CEP112: variants seen among roughly 807,000 people sequenced by gnomAD.
CEP112 encodes centrosomal protein of 112 kDa.
In CEP112, 127 loss-of-function variants were observed where a neutral mutation model predicts 153.0. The observed-to-expected ratio is 0.83, with a 90% CI of 0.72 to 0.96. The LOEUF (loss-of-function observed/expected upper bound fraction) is 0.96, where lower values mean the gene tolerates loss of function less well. CEP112 is among the 40% of genes least tolerant of loss of function. The probability of loss-of-function intolerance (pLI) is 0.00; values close to 1 mark genes in which losing one functional copy is unlikely to be tolerated. For synonymous variants in CEP112, 358 were observed against 374.4 expected (o/e 0.96, Z 0.51); for missense variants, 1,089 against 1,101.2 (o/e 0.99, Z 0.16).
chr17:66,184,202 T>G (rs2072835386), intron 1 of CEP112, among the ~76,000 whole-genome samples: 1 of 152,052 alleles, frequency 6.6e-6, no homozygotes, highest in African/African-American at 2.4e-5. Context: ...AAGGCTGCAG[T>G]GGGCCATGAT....
At chr17:65,897,171 A>G (rs182855790) in intron 20 of CEP112, among the ~76,000 whole-genome samples, 90 of 152,266 alleles carry the variant, frequency 5.9e-4, no homozygotes, top group Admixed American at 2.2e-3. Flanking sequence ...TTACATTAAC[A>G]GCAACAGCTT....
At chr17:65,927,532 C>T (rs73346895) in intron 19 of CEP112, 50 bp downstream of exon 19, 13,455 of 987,468 alleles carry the variant, frequency 0.014, 617 homozygotes, top group African/African-American at 0.12. Context: ...AAAGATAAAT[C>T]ATATATGTAT....
chr17:65,940,772 G>A (rs1174893136), intron 18 of CEP112, among the ~76,000 whole-genome samples: 1 of 152,110 alleles, frequency 6.6e-6, no homozygotes, highest in Non-Finnish European at 1.5e-5. Flanking sequence ...TGTTCAAAGG[G>A]TACAAAGTTT....
chr17:65,667,241 C>G (rs944834656), intron 24 of CEP112, among the ~76,000 whole-genome samples: 1 of 152,078 alleles, frequency 6.6e-6, no homozygotes, highest in African/African-American at 2.4e-5. Flanking sequence ...CAATGATGGA[C>G]CCACCAAGCC....
chr17:65,826,185 A>C, intron 21 of CEP112: 1 of 1,614,196 alleles, frequency 6.2e-7, no homozygotes, highest in Non-Finnish European at 8.5e-7. Context: ...AGAGGCTTCA[A>C]ACTTCCTGCC....
intron 21 of CEP112, among the ~76,000 whole-genome samples, chr17:65,807,772 G>C (rs2145879532): frequency 2.0e-5 from 3 of 152,374 alleles, no homozygotes; most frequent in Middle Eastern, 3.4e-3. Flanking sequence ...AGATTTCTGA[G>C]GATGTATGGA....
chr17:65,885,595 C>T (rs779924510), intron 20 of CEP112, among the ~76,000 whole-genome samples: 21 of 152,220 alleles, frequency 1.4e-4, no homozygotes, highest in Non-Finnish European at 5.9e-5. Flanking sequence ...GAAGCTGCAT[C>T]TTCAAATCTT....
intron 16 of CEP112, among the ~76,000 whole-genome samples, chr17:66,020,392 A>C (rs184302671): frequency 2.9e-4 from 44 of 152,338 alleles, no homozygotes; most frequent in African/African-American, 1.1e-3. Flanking sequence ...ACACTTTTCC[A>C]AATGACAGAA....
At chr17:66,095,892 C>T (rs1451002763) in intron 8 of CEP112, among the ~76,000 whole-genome samples, 1 of 151,780 alleles carries the variant, frequency 6.6e-6, no homozygotes, top group Non-Finnish European at 1.5e-5. Context: ...CTGGGAAAAA[C>T]AGTAAGATCC....
intron 17 of CEP112, among the ~76,000 whole-genome samples, chr17:65,969,485 T>G (rs1269650720): frequency 2.6e-5 from 4 of 152,208 alleles, no homozygotes; most frequent in African/African-American, 9.7e-5. Context: ...TGCATGCATA[T>G]TACACACAGG....
intron 19 of CEP112, among the ~76,000 whole-genome samples, chr17:65,920,171 CCT>C (rs1321868030): frequency 2.0e-5 from 3 of 150,788 alleles, no homozygotes. Context: ...ATGGTGAAAC[CCT>C]GTCTCTACTA....
Position 65,769,680 on chromosome 17 carries a change from G to A in CEP112, c.2395-18956C>T, listed in dbSNP as rs539267437. 2.0e-4 allele frequency among the ~76,000 whole-genome samples: 31 copies of A among 152,106 alleles called. 1 individual carries two copies. In the South Asian group the frequency reaches 3.7e-3, roughly 18 times the overall value. On this transcript the variant is annotated intron_variant, in intron 21 of 26. Coordinates refer to ENST00000535342, the MANE Select transcript of CEP112 (RefSeq NM_001199165.4). ...ACAGTGAGGAAAAGATAGTTTCTTC[G>A]ATAAATAGTGCTGGGAAAACTGTAT...
intron 20 of CEP112, among the ~76,000 whole-genome samples, chr17:65,865,200 ACTGT>A (rs1327759990): frequency 6.6e-6 from 1 of 151,612 alleles, no homozygotes; most frequent in Admixed American, 6.6e-5. Flanking sequence ...TGCCACCACG[ACTGT>A]CTAATTTTTG....
chr17:65,667,673 T>C (rs1340157536), intron 24 of CEP112, among the ~76,000 whole-genome samples: 1 of 152,108 alleles, frequency 6.6e-6, no homozygotes, highest in Non-Finnish European at 1.5e-5. Flanking sequence ...TACAGGTATA[T>C]AGTATTTTAA....
intron 18 of CEP112, among the ~76,000 whole-genome samples, chr17:65,935,768 C>A (rs917996044): frequency 1.3e-5 from 2 of 151,294 alleles, no homozygotes; most frequent in Admixed American, 6.6e-5. Context: ...AGGAGTCCTA[C>A]AAGGGAAATT....
chr17:65,926,628 G>A (rs1333692347), intron 19 of CEP112, among the ~76,000 whole-genome samples: 2 of 152,074 alleles, frequency 1.3e-5, no homozygotes, highest in Non-Finnish European at 2.9e-5. Flanking sequence ...CAGAAGAATC[G>A]CTTGAACCCG....
chr17:66,021,639 G>C (rs1008876233), intron 16 of CEP112, among the ~76,000 whole-genome samples: 3 of 152,128 alleles, frequency 2.0e-5, no homozygotes, highest in Non-Finnish European at 4.4e-5. Context: ...CCCATGCAGA[G>C]AACTTGGTGC....
At chr17:65,757,436 G>A (rs529864161) in intron 21 of CEP112, among the ~76,000 whole-genome samples, 9 of 152,038 alleles carry the variant, frequency 5.9e-5, no homozygotes, top group Non-Finnish European at 1.2e-4. Flanking sequence ...GTGAAGGAAG[G>A]CATAAAATAG....
intron 20 of CEP112, among the ~76,000 whole-genome samples, chr17:65,898,270 G>C (rs1370290914): frequency 6.6e-6 from 1 of 152,008 alleles, no homozygotes; most frequent in South Asian, 2.1e-4. Context: ...TTTACCCTTC[G>C]AGTAATCTTT....
Sources: gnomAD v4.1 joint callset for allele counts (sites outside exome capture counted in the v4.1 genomes callset) on GRCh38, gnomAD v4.1.1 for gene constraint, MANE v1.5 for transcripts, NCBI Gene and HGNC (gene_info 2026-07-23, HGNC 2026-07-21) for gene names.